The following MED17 variants were observed in gnomAD, a reference collection of about 807,000 sequenced individuals.
MED17 encodes the protein mediator of RNA polymerase II transcription subunit 17.
A neutral mutation model predicts 80.8 loss-of-function variants in MED17; 49 were observed. That is an observed-to-expected ratio of 0.61 (90% CI 0.48 to 0.77). The LOEUF is 0.77. Ranked by LOEUF, MED17 falls within the 30% of genes least tolerant of loss-of-function variation. The pLI, the probability that MED17 is intolerant of heterozygous loss-of-function variation, is 0.00. For missense variants in MED17, 718 were observed against 787.0 expected, an observed-to-expected ratio of 0.91 and a Z score of 1.05; for synonymous variants, 281 against 280.4, an observed-to-expected ratio of 1.00 and a Z score of -0.02.
In MED17 at chr11:93,813,677, A is replaced by G. The variant is rs903574162; in HGVS notation, c.*1613A>G. On this transcript the variant is annotated 3_prime_UTR_variant, in exon 12 of 12. Coordinates refer to ENST00000251871, the MANE Select transcript of MED17 (RefSeq NM_004268.5). ...AAATGAAATTTTGAAAAGATACAAAATAAAAGCCCCATTTATTTGATTATA... is the reference window on the plus strand; with the variant it reads ...AAATGAAATTTTGAAAAGATACAAAGTAAAAGCCCCATTTATTTGATTATA... 2 of 152,254 alleles carry G rather than the reference A, an allele frequency of 1.3e-5. No homozygotes were observed. The highest frequency in any genetic ancestry group is 4.8e-5 in the African/African-American group (2 of 41,466). The allele number at this position is 152,254 out of a possible 1,614,324, so 9.4% of individuals were successfully genotyped here.
In MED17 at chr11:93,814,714, GTATT is replaced by G. The variant is rs1295191884; in HGVS notation, c.*2655_*2658del. The stretch of plus-strand genomic sequence containing the variant: ...AGAAAAAATGGTTGAGACACCAGCT[GTATT>G]TATTAGGAGAAAGCATTTCAGAATG... On this transcript the variant is annotated 3_prime_UTR_variant, in exon 12 of 12. Coordinates refer to ENST00000251871, the MANE Select transcript of MED17 (RefSeq NM_004268.5). 4.6e-5 allele frequency: 7 copies of G among 152,316 alleles called. No homozygotes were observed. In the East Asian group the frequency reaches 1.2e-3, roughly 25 times the overall value. 9.4% of individuals were successfully genotyped at this position (152,316 alleles called of 1,614,324 possible).
intron 9 of MED17, among the ~76,000 whole-genome samples, chr11:93,804,026 TACAC>T (rs368346628): frequency 0.069 from 781 of 11,268 alleles, 15 homozygotes; most frequent in African/African-American, 0.11. Context: ...TATATATATA[TACAC>T]ACACACATAT....
intron 9 of MED17, among the ~76,000 whole-genome samples, chr11:93,804,578 C>A (rs1238533057): frequency 6.6e-6 from 1 of 152,200 alleles, no homozygotes; most frequent in Admixed American, 6.5e-5. Flanking sequence ...CCTACCTGTT[C>A]CTGTAACCGA....
intron 8 of MED17, among the ~76,000 whole-genome samples, chr11:93,800,396 A>G (rs1464956420): frequency 1.3e-5 from 2 of 152,054 alleles, no homozygotes; most frequent in African/African-American, 2.4e-5. Context: ...TGAGAGGCCA[A>G]GGAGGGCAGA....
intron 9 of MED17, among the ~76,000 whole-genome samples, chr11:93,804,902 G>T (rs1057298025): frequency 2.0e-5 from 3 of 152,160 alleles, no homozygotes; most frequent in Non-Finnish European, 4.4e-5. Flanking sequence ...AATACAATGG[G>T]ATCAATTAGG....
At chr11:93,807,062 T>G (rs1944032919) in intron 9 of MED17, 1 of 181,358 alleles carries the variant, frequency 5.5e-6, no homozygotes, top group South Asian at 1.2e-4. Context: ...GTCTGTTTAG[T>G]TGAACCTAAG....
At chr11:93,801,756 A>G (rs1943963836) in intron 8 of MED17, 79 bp from the exon 9 acceptor site, 1 of 1,423,874 alleles carries the variant, frequency 7.0e-7, no homozygotes, top group African/African-American at 1.4e-5. Context: ...TAAAATTTTC[A>G]TAAAATTTTC....
In MED17 at chr11:93,812,187, G is replaced by A; in HGVS notation, c.*123G>A. ...GTGCTGTTTTTAAAAATAATAATTA[G>A]GAAATGTTTATTTAGCACTTTCAAA... On this transcript the variant is annotated 3_prime_UTR_variant, in exon 12 of 12. Coordinates refer to ENST00000251871, the MANE Select transcript of MED17 (RefSeq NM_004268.5). The A allele has an allele frequency of 4.7e-6, 4 of 852,592 alleles. No individual in the cohort carries two copies. The highest frequency in any genetic ancestry group is 7.6e-6 in the Non-Finnish European group (4 of 528,950). 52.8% of individuals were successfully genotyped at this position (852,592 alleles called of 1,614,324 possible).
Position 93,790,703 on chromosome 11 carries a change from T to C in MED17, c.547T>C (p.Phe183Leu), listed in dbSNP as rs780100770. ...CCAAGAAAACAAGCTACAAAGAGAC[T>C]TCAATTCTGAGCTTTTGCGATTACG... ...ENQENKLQRD[F>L]NSELLRLRQH... The change falls in exon 3 of 12, where the codon TTC becomes CTC. Residue 183 changes from phenylalanine to leucine, a missense_variant. Transcript: ENST00000251871. 8 of 1,614,236 alleles carry C rather than the reference T, an allele frequency of 5.0e-6. No homozygotes were observed. The South Asian group carries it at 7.7e-5, about 16-fold the overall frequency.
rs765046757 is a variant in MED17, at chr11:93,795,050, G to A, written c.1002G>A (p.Gln334=). 2 of 1,614,122 alleles carry A rather than the reference G, an allele frequency of 1.2e-6. No homozygotes were observed. Among genetic ancestry groups the A allele is most frequent in the Admixed American group, 1.7e-5 (1 of 60,026 alleles). ...HIVVKNQIIS[Q]PFPSLQLSIS... ...TGGTGAAAAACCAGATTATCTCTCAGCCCTTTCCGAGTAAGAGCAGCCCTT... is the reference window on the plus strand; with the variant it reads ...TGGTGAAAAACCAGATTATCTCTCAACCCTTTCCGAGTAAGAGCAGCCCTT... Residue 334 remains glutamine (Q), a synonymous_variant, in exon 6 of 12, where the codon CAG becomes CAA. Coordinates refer to ENST00000251871, the MANE Select transcript of MED17 (RefSeq NM_004268.5).
chr11:93,813,781 T>C lies in MED17; in HGVS notation c.*1717T>C, dbSNP rs1944108321. ...TCCCCAGGCTGGAGTGCAGCAGCAC[T>C]GTTTTGGCTCACTGCAACCTCTGCC... On this transcript the variant is annotated 3_prime_UTR_variant, in exon 12 of 12. Coordinates refer to ENST00000251871, the MANE Select transcript of MED17 (RefSeq NM_004268.5). 1.3e-5 allele frequency: 2 copies of C among 152,210 alleles called. No homozygotes were observed. The highest frequency in any genetic ancestry group is 4.8e-5 in the African/African-American group (2 of 41,462). The allele number at this position is 152,210 out of a possible 1,614,324, so 9.4% of individuals were successfully genotyped here. A position where few individuals can be genotyped will look rare whatever the true frequency, so the allele number is the denominator to read the frequency against.
At chr11:93,786,841 C>A (rs1033444025) in intron 1 of MED17, among the ~76,000 whole-genome samples, 2 of 152,104 alleles carry the variant, frequency 1.3e-5, no homozygotes. Flanking sequence ...GAAAAAGTTG[C>A]ACATATACAG....
intron 3 of MED17, among the ~76,000 whole-genome samples, chr11:93,791,919 C>T (rs1943840506): frequency 6.6e-6 from 1 of 152,170 alleles, no homozygotes; most frequent in Admixed American, 6.5e-5. Context: ...CAAACTAGGG[C>T]TACAGCACTA....
rs144602685 is a variant in MED17 at position 93,793,795 on chromosome 11, G to C, written c.705G>C (p.Lys235Asn). ...ATACAGATCTCGATCTGGATAAAAA[G>C]ATACCTGAAGATTACTGTCCTCTTG... ...IKNTDLDLDK[K>N]IPEDYCPLDV... Residue 235 changes from lysine to asparagine, a missense_variant, in exon 4 of 12, where the codon AAG (lysine) becomes AAC (asparagine). Physicochemically the swap from Lys to Asn is moderately conservative, Grantham distance 94 (BLOSUM62 0). Transcript: ENST00000251871. 1.4e-5 allele frequency: 22 copies of C among 1,602,976 alleles called. No individual in the cohort carries two copies. Among genetic ancestry groups the C allele is most frequent in the Non-Finnish European group, 1.8e-5 (21 of 1,170,364 alleles).
intron 10 of MED17, 40 bp downstream of exon 10, chr11:93,807,675 A>C: frequency 8.9e-7 from 1 of 1,122,026 alleles, no homozygotes; most frequent in Non-Finnish European, 1.4e-6. Flanking sequence ...CCTTCTTCGC[A>C]TAGCTACTTA....
chr11:93,809,213 G>A, intron 10 of MED17: 1 of 237,738 alleles, frequency 4.2e-6, no homozygotes, highest in South Asian at 6.1e-5. Flanking sequence ...AGCCAGTCAA[G>A]AGATACAACC....
chr11:93,811,429 G>A (rs1018311625), intron 11 of MED17: 7 of 200,700 alleles, frequency 3.5e-5, no homozygotes, highest in African/African-American at 1.4e-4. Flanking sequence ...CCAGCACTTT[G>A]GGAGGCTGAG....
intron 9 of MED17, among the ~76,000 whole-genome samples, chr11:93,805,838 C>G (rs1441497331): frequency 6.6e-6 from 1 of 152,092 alleles, no homozygotes; most frequent in Non-Finnish European, 1.5e-5. Flanking sequence ...GTTGCACACA[C>G]CTGAAGTCCC....
intron 1 of MED17, among the ~76,000 whole-genome samples, chr11:93,786,990 G>T (rs1035724911): frequency 2.6e-5 from 4 of 152,038 alleles, no homozygotes; most frequent in Admixed American, 2.6e-4. Context: ...AGTGTTAGAA[G>T]AATTAAGTAG....
Sources: allele counts gnomAD v4.1 joint callset (sites outside exome capture counted in the v4.1 genomes callset), GRCh38; gene constraint gnomAD v4.1.1; transcripts MANE v1.5; gene names NCBI Gene and HGNC (gene_info 2026-07-23, HGNC 2026-07-21).